Variants in KDM4C observed in about 807,000 individuals in gnomAD.
KDM4C encodes the protein lysine demethylase 4C, also known as lysine-specific demethylase 4C.
Under a neutral mutation model 129.3 loss-of-function variants are expected in KDM4C, and 81 were observed. That is an observed-to-expected ratio of 0.63 (90% CI 0.52 to 0.75). The LOEUF (loss-of-function observed/expected upper bound fraction) is 0.75, where lower values mean the gene tolerates loss of function less well. Among genes scored for constraint, KDM4C ranks in the 30% least tolerant of loss-of-function variants. The pLI is 0.00. For synonymous variants in KDM4C, 573 were observed against 456.1 expected (o/e 1.26, Z -3.26); for missense variants, 1,457 against 1,304.0 (o/e 1.12, Z -1.81).
chr9:6,934,517 T>C (rs1305379561), intron 8 of KDM4C, among the ~76,000 whole-genome samples: 1 of 148,364 alleles, frequency 6.7e-6, no homozygotes, highest in Non-Finnish European at 1.5e-5. Context: ...TAAAATTAAA[T>C]ACCAACTTAT....
chr9:6,886,832 T>A (rs1428315045), intron 6 of KDM4C, among the ~76,000 whole-genome samples: 1 of 151,992 alleles, frequency 6.6e-6, no homozygotes, highest in Non-Finnish European at 1.5e-5. Context: ...GTGTTAGGCT[T>A]GTCCCAAACT....
chr9:6,780,557 C>CA (rs1824113029), intron 1 of KDM4C, among the ~76,000 whole-genome samples: 1 of 151,742 alleles, frequency 6.6e-6, no homozygotes. Flanking sequence ...TCTTCGAGCT[C>CA]AAGAGTCCAG....
intron 4 of KDM4C, among the ~76,000 whole-genome samples, chr9:6,826,580 A>C (rs1833917687): frequency 6.6e-6 from 1 of 152,128 alleles, no homozygotes; most frequent in African/African-American, 2.4e-5. Context: ...AATTTATCTT[A>C]TTTGGCCGGG....
chr9:6,737,568 G>T (rs1205064539), intron 1 of KDM4C, among the ~76,000 whole-genome samples: 1 of 150,204 alleles, frequency 6.7e-6, no homozygotes, highest in Non-Finnish European at 1.5e-5. Context: ...GGAGCCTGAG[G>T]CAGGAGAATC....
chr9:7,105,036 G>C (rs1485235907), intron 18 of KDM4C, among the ~76,000 whole-genome samples: 2 of 152,076 alleles, frequency 1.3e-5, no homozygotes, highest in African/African-American at 2.4e-5. Flanking sequence ...CAGGTTCCAA[G>C]TTGCATATTC....
chr9:7,082,941 A>C (rs1033085520), intron 17 of KDM4C, among the ~76,000 whole-genome samples: 1 of 152,232 alleles, frequency 6.6e-6, no homozygotes, highest in Admixed American at 6.5e-5. Context: ...TATTGATATT[A>C]ATAGCCATTG....
upstream of KDM4C, among the ~76,000 whole-genome samples, chr9:6,756,384 T>G (rs1268395504): frequency 2.0e-5 from 3 of 152,216 alleles, no homozygotes; most frequent in Non-Finnish European, 4.4e-5. Context: ...CATGCACACA[T>G]TTGGAAAATT....
intron 4 of KDM4C, among the ~76,000 whole-genome samples, chr9:6,818,254 A>G (rs1046637793): frequency 1.3e-5 from 2 of 152,206 alleles, no homozygotes; most frequent in African/African-American, 4.8e-5. Context: ...TTCTTTTAGC[A>G]CAAGCCACAT....
At chr9:7,120,140 C>T (rs187196978) in intron 18 of KDM4C, among the ~76,000 whole-genome samples, 3 of 149,318 alleles carry the variant, frequency 2.0e-5, no homozygotes, top group African/African-American at 7.4e-5. Context: ...GTAGAATGCT[C>T]ATCAGGCAAG....
At chr9:7,097,020 A>G (rs560576394) in intron 17 of KDM4C, among the ~76,000 whole-genome samples, 77 of 152,166 alleles carry the variant, frequency 5.1e-4, no homozygotes, top group African/African-American at 1.8e-3. Flanking sequence ...CATTTTGCTC[A>G]TGTTTTTTCA....
intron 17 of KDM4C, among the ~76,000 whole-genome samples, chr9:7,053,526 T>C (rs1294283260): frequency 6.6e-6 from 1 of 152,228 alleles, no homozygotes. Context: ...TGCTTGGTAA[T>C]GTCACAGGTG....
chr9:7,073,201 G>A (rs781405876), intron 17 of KDM4C, among the ~76,000 whole-genome samples: 1 of 152,086 alleles, frequency 6.6e-6, no homozygotes, highest in African/African-American at 2.4e-5. Context: ...AGAATGTTCC[G>A]ATCTAACATA....
chr9:6,817,747 A>T (rs1832379805), intron 4 of KDM4C, among the ~76,000 whole-genome samples: 2 of 150,114 alleles, frequency 1.3e-5, no homozygotes, highest in Non-Finnish European at 3.0e-5. Context: ...TCATAAGGTT[A>T]TCAAACAGGA....
chr9:6,808,442 A>G (rs1454951431), intron 3 of KDM4C, among the ~76,000 whole-genome samples: 2 of 120,462 alleles, frequency 1.7e-5, no homozygotes, highest in Non-Finnish European at 3.3e-5. Context: ...CTCAGGGTTA[A>G]ATGGATTAAG....
intron 5 of KDM4C, among the ~76,000 whole-genome samples, chr9:6,866,130 C>T (rs1442092280): frequency 6.6e-6 from 1 of 151,960 alleles, no homozygotes; most frequent in Non-Finnish European, 1.5e-5. Flanking sequence ...GGTGATCCAC[C>T]TGCCTTGGCC....
intron 1 of KDM4C, among the ~76,000 whole-genome samples, chr9:6,774,076 C>G (rs376869623): frequency 1.3e-5 from 2 of 151,956 alleles, no homozygotes; most frequent in African/African-American, 2.4e-5. Context: ...TTAGTAGAGA[C>G]GGGGTTTCAC....
At chr9:7,067,859 G>A (rs1587411419) in intron 17 of KDM4C, among the ~76,000 whole-genome samples, 1 of 151,818 alleles carries the variant, frequency 6.6e-6, no homozygotes, top group Non-Finnish European at 1.5e-5. Context: ...GCAGTGGTGC[G>A]ATCTTGGCTC....
At chr9:6,953,943 A>G (rs1340347903) in intron 8 of KDM4C, among the ~76,000 whole-genome samples, 1 of 152,166 alleles carries the variant, frequency 6.6e-6, no homozygotes, top group Non-Finnish European at 1.5e-5. Flanking sequence ...CCTAGTTTTT[A>G]TATTAAAGTC....
intron 1 of KDM4C, among the ~76,000 whole-genome samples, chr9:6,781,045 G>T (rs1317848109): frequency 6.6e-6 from 1 of 152,028 alleles, no homozygotes; most frequent in Non-Finnish European, 1.5e-5. Context: ...AGCTGCTGTA[G>T]CCCCTCATGG....
Sources: gnomAD v4.1 joint callset for allele counts (sites outside exome capture counted in the v4.1 genomes callset) on GRCh38, gnomAD v4.1.1 for gene constraint, MANE v1.5 for transcripts, NCBI Gene and HGNC (gene_info 2026-07-23, HGNC 2026-07-21) for gene names.